The following CEP89 variants were observed in gnomAD, a reference collection of about 807,000 sequenced individuals.
CEP89 encodes the protein centrosomal protein of 89 kDa.
CEP89 carries 95 observed loss-of-function variants against 97.6 expected under a neutral mutation model. The ratio of observed to expected loss-of-function variants is 0.97; its 90% CI spans 0.82 to 1.15. CEP89 has a LOEUF of 1.15. Ranked by LOEUF, CEP89 falls within the 50% of genes most tolerant of loss-of-function variation. The pLI, the probability that CEP89 is intolerant of heterozygous loss-of-function variation, is 0.00. For synonymous variants in CEP89, 354 were observed against 349.1 expected (o/e 1.01, Z -0.16); for missense variants, 869 against 947.7 (o/e 0.92, Z 1.09).
In CEP89 at chr19:32,971,885, C is replaced by G. The variant is rs1255652418; in HGVS notation, c.-11G>C. ...AAATCCCAGGAGCATCCTTGCAGCG[C>G]GAGGAGAATGGACCGGGGCCTGGAC... On this transcript the variant is annotated 5_prime_UTR_variant, in exon 1 of 19. Coordinates refer to ENST00000305768, the MANE Select transcript of CEP89 (RefSeq NM_032816.5). 6.3e-7 allele frequency: 1 copy of G among 1,585,662 alleles called. No homozygotes were observed. Among genetic ancestry groups the G allele is most frequent in the Non-Finnish European group, 8.6e-7 (1 of 1,164,614 alleles).
chr19:32,971,923 C>T lies in CEP89; in HGVS notation c.-49G>A. ...CCGGGGCCTGGACTCATCAGCAGAT[C>T]TATCCACAGCCAGGGACCACTCCCT... On this transcript the variant is annotated 5_prime_UTR_variant, in exon 1 of 19. Transcript: ENST00000305768. 1.3e-6 allele frequency: 2 copies of T among 1,559,606 alleles called. No individual in the cohort carries two copies. The highest frequency in any genetic ancestry group is 2.3e-5 in the South Asian group (2 of 85,548).
At chr19:32,967,672 C>T (rs1041135299) in intron 1 of CEP89, among the ~76,000 whole-genome samples, 2 of 152,238 alleles carry the variant, frequency 1.3e-5, no homozygotes, top group East Asian at 3.8e-4. Flanking sequence ...GAAAATCACA[C>T]AGGCGTTTAG....
intron 12 of CEP89, among the ~76,000 whole-genome samples, chr19:32,921,392 A>T (rs1970246707): frequency 6.6e-6 from 1 of 152,076 alleles, no homozygotes; most frequent in Non-Finnish European, 1.5e-5. Flanking sequence ...CTGCAGCTGG[A>T]GGGCAGTGAA....
intron 14 of CEP89, 54 bp from the exon 15 acceptor site, chr19:32,901,466 GGC>G: frequency 6.4e-7 from 1 of 1,561,092 alleles, no homozygotes; most frequent in Non-Finnish European, 8.7e-7. Context: ...GCTAAAATGG[GGC>G]AGTCACATAA....
At chr19:32,949,365 A>G (rs557952419) in intron 4 of CEP89, among the ~76,000 whole-genome samples, 1 of 152,110 alleles carries the variant, frequency 6.6e-6, no homozygotes, top group South Asian at 2.1e-4. Flanking sequence ...AGAGGAAGAG[A>G]AAGAACAGTG....
intron 4 of CEP89, among the ~76,000 whole-genome samples, chr19:32,950,522 C>T (rs1268451214): frequency 6.6e-6 from 1 of 152,204 alleles, no homozygotes; most frequent in South Asian, 2.1e-4. Flanking sequence ...CGTGCCATTG[C>T]ACTCCAGCCT....
intron 9 of CEP89, among the ~76,000 whole-genome samples, chr19:32,929,167 C>T (rs1970419860): frequency 6.6e-6 from 1 of 152,152 alleles, no homozygotes; most frequent in African/African-American, 2.4e-5. Flanking sequence ...TGCAACGCAA[C>T]CCTTGTTTTC....
chr19:32,913,371 C>T (rs563201305), intron 14 of CEP89, among the ~76,000 whole-genome samples: 1 of 151,038 alleles, frequency 6.6e-6, no homozygotes, highest in East Asian at 1.9e-4. Context: ...TGATCTCAAA[C>T]TCCTAGGCTC....
In CEP89 at chr19:32,959,971, C is replaced by T; in HGVS notation, c.234G>A (p.Glu78=). Residue 78 remains glutamate, a synonymous_variant, in exon 3 of 19, where the codon GAG becomes GAA. Coordinates refer to ENST00000305768, the MANE Select transcript of CEP89 (RefSeq NM_032816.5). ...CCTGTTCAACACTGCTCACATCACT[C>T]TCAGACCGGGACCTCTGGCGAGGCT... The part of the protein sequence containing the change: ...IPQPRQRSRS[E]SDVSSVEQDS... 6.2e-7 allele frequency: 1 copy of T among 1,614,250 alleles called. No homozygotes were observed. Among genetic ancestry groups the T allele is most frequent in the Non-Finnish European group, 8.5e-7 (1 of 1,180,050 alleles).
intron 2 of CEP89, among the ~76,000 whole-genome samples, chr19:32,964,334 G>A (rs1003863006): frequency 3.3e-5 from 5 of 152,118 alleles, no homozygotes; most frequent in African/African-American, 9.7e-5. Flanking sequence ...ACCACACCCA[G>A]CTAATTTTTG....
At chr19:32,913,310 T>TTGTTG (rs1970049932) in intron 14 of CEP89, among the ~76,000 whole-genome samples, 1 of 45,614 alleles carries the variant, frequency 2.2e-5, no homozygotes, top group African/African-American at 7.8e-5. Context: ...TATATATTTT[T>TTGTTG]TTGTTGTTGT....
At chr19:32,965,299 G>A (rs1019187351) in intron 2 of CEP89, among the ~76,000 whole-genome samples, 9 of 152,280 alleles carry the variant, frequency 5.9e-5, no homozygotes, top group Admixed American at 2.6e-4. Flanking sequence ...TACTCAGGAC[G>A]CTGAGACAGG....
chr19:32,893,347 T>C (rs1362538011), intron 16 of CEP89, among the ~76,000 whole-genome samples: 2 of 152,132 alleles, frequency 1.3e-5, no homozygotes, highest in African/African-American at 4.8e-5. Flanking sequence ...ACTCTAAACA[T>C]ATATGCACCC....
chr19:32,900,300 C>T (rs1441066724), intron 15 of CEP89, among the ~76,000 whole-genome samples: 2 of 143,976 alleles, frequency 1.4e-5, no homozygotes, highest in Non-Finnish European at 3.0e-5. Context: ...GGCTGGAGTG[C>T]GGTGGCATGA....
At chr19:32,958,398 A>G (rs1568581522) in intron 3 of CEP89, among the ~76,000 whole-genome samples, 1 of 152,182 alleles carries the variant, frequency 6.6e-6, no homozygotes, top group East Asian at 1.9e-4. Flanking sequence ...AAAAAAGCCT[A>G]CACAGGCCAG....
At chr19:32,942,043 A>T (rs1471342713) in intron 5 of CEP89, among the ~76,000 whole-genome samples, 1 of 152,078 alleles carries the variant, frequency 6.6e-6, no homozygotes, top group East Asian at 1.9e-4. Context: ...TTCTTCACAA[A>T]ATAAAATTGG....
At chr19:32,939,634 C>T (rs915172046) in intron 6 of CEP89, among the ~76,000 whole-genome samples, 4 of 150,740 alleles carry the variant, frequency 2.7e-5, no homozygotes, top group Non-Finnish European at 4.4e-5. Flanking sequence ...GCTGAGATTG[C>T]GCCACTGCAC....
Position 32,953,755 on chromosome 19 carries a change from A to G in CEP89, c.352T>C (p.Phe118Leu). ...EMGRRSSLPSFETLDYGDEED... is the reference protein window; with the variant it reads ...EMGRRSSLPSLETLDYGDEED... Reference sequence around the variant, plus strand: ...TCGTCCCCATAGTCCAGTGTTTCAAAGGATGGCAAAGAAGATCTTCTTCCC... The same window carrying G: ...TCGTCCCCATAGTCCAGTGTTTCAAGGGATGGCAAAGAAGATCTTCTTCCC... The change falls in exon 4 of 19, where the codon TTT (phenylalanine) becomes CTT (leucine). Residue 118 changes from phenylalanine (F) to leucine (L), a missense_variant. Physicochemically the swap from Phe to Leu is conservative, Grantham distance 22. Transcript: ENST00000305768. 6.2e-7 allele frequency: 1 copy of G among 1,614,122 alleles called. No individual in the cohort carries two copies. The highest frequency in any genetic ancestry group is 8.5e-7 in the Non-Finnish European group (1 of 1,179,998).
chr19:32,951,972 G>T (rs1384309673), intron 4 of CEP89, among the ~76,000 whole-genome samples: 1 of 152,140 alleles, frequency 6.6e-6, no homozygotes, highest in African/African-American at 2.4e-5. Context: ...AAGTGTGCGG[G>T]TGAGGAGCAG....
Sources: allele counts gnomAD v4.1 joint callset (sites outside exome capture counted in the v4.1 genomes callset), GRCh38; gene constraint gnomAD v4.1.1; transcripts MANE v1.5; gene names NCBI Gene and HGNC (gene_info 2026-07-23, HGNC 2026-07-21).